The following CRADD variants were observed in gnomAD, a reference collection of about 807,000 sequenced individuals.
CRADD encodes the protein death domain-containing protein CRADD.
In CRADD, 9 loss-of-function variants were observed where a neutral mutation model predicts 15.5. The observed-to-expected ratio is 0.58, with a 90% CI of 0.35 to 1.01. The LOEUF is 1.01. CRADD is among the 50% of genes least tolerant of loss of function. CRADD has a pLI of 0.02. For missense variants in CRADD, 227 were observed against 250.3 expected (o/e 0.91, Z 0.63); for synonymous variants, 118 against 107.6 (o/e 1.10, Z -0.60).
In CRADD at chr12:93,784,000, C is replaced by T. The variant is rs192333021; in HGVS notation, c.299-65970C>T. Among the ~76,000 whole-genome samples, 348 of 152,270 alleles carry T rather than the reference C, an allele frequency of 2.3e-3. 1 individual carries two copies. Among genetic ancestry groups the T allele is most frequent in the African/African-American group, 7.9e-3 (328 of 41,552 alleles). Reference sequence around the variant, plus strand: ...AGGGAAGAGAGTGAGTAGCAAGCCACCTCGCCAAACTCTTGCTGCAGGGTG... The same window carrying T: ...AGGGAAGAGAGTGAGTAGCAAGCCATCTCGCCAAACTCTTGCTGCAGGGTG... On this transcript the variant is annotated intron_variant, in intron 2 of 2. Transcript: ENST00000332896.
chr12:93,780,800 G>C (rs1957199559), intron 2 of CRADD, among the ~76,000 whole-genome samples: 1 of 151,544 alleles, frequency 6.6e-6, no homozygotes, highest in South Asian at 2.1e-4. Flanking sequence ...GAGTGCAGTG[G>C]TGTGATCTTG....
At chr12:93,742,825 G>C (rs1956696214) in intron 2 of CRADD, among the ~76,000 whole-genome samples, 3 of 152,038 alleles carry the variant, frequency 2.0e-5, no homozygotes, top group African/African-American at 7.2e-5. Flanking sequence ...TTTTGAAGGG[G>C]CGAGTCAGGT....
chr12:93,812,440 C>T (rs999380773), intron 2 of CRADD, among the ~76,000 whole-genome samples: 3 of 151,282 alleles, frequency 2.0e-5, no homozygotes, highest in Non-Finnish European at 2.9e-5. Context: ...TTTGGGAGGC[C>T]GAGGTGGGTG....
At chr12:93,797,985 TTTA>T (rs914087490) in intron 2 of CRADD, among the ~76,000 whole-genome samples, 6 of 152,286 alleles carry the variant, frequency 3.9e-5, no homozygotes, top group East Asian at 3.9e-4. Flanking sequence ...CTTTGGGTGA[TTTA>T]TTAAGAGAAC....
intron 2 of CRADD, among the ~76,000 whole-genome samples, chr12:93,681,759 G>A (rs1955308948): frequency 6.6e-6 from 1 of 152,096 alleles, no homozygotes; most frequent in African/African-American, 2.4e-5. Flanking sequence ...TGAATTGGGG[G>A]TTTATCATTC....
At chr12:93,795,713 G>C (rs1485808205) in intron 2 of CRADD, among the ~76,000 whole-genome samples, 1 of 151,870 alleles carries the variant, frequency 6.6e-6, no homozygotes, top group African/African-American at 2.4e-5. Flanking sequence ...TTCTTTTCCT[G>C]TGGAAAACAA....
chr12:93,747,465 T>C (rs991385779), intron 2 of CRADD, among the ~76,000 whole-genome samples: 15 of 151,820 alleles, frequency 9.9e-5, no homozygotes, highest in East Asian at 9.7e-4. Flanking sequence ...TTTTTCTTCT[T>C]CTTTTTTTTT....
At chr12:93,862,452 G>A (rs1958326291) in intron 2 of CRADD, among the ~76,000 whole-genome samples, 1 of 152,178 alleles carries the variant, frequency 6.6e-6, no homozygotes, top group African/African-American at 2.4e-5. Flanking sequence ...TTGAGCTGGG[G>A]CTTGACGGGA....
At chr12:93,850,892 G>A (rs1370411817), downstream of CRADD, 2 of 275,142 alleles carry the variant, frequency 7.3e-6, no homozygotes, top group African/African-American at 4.6e-5. This position sits in a 1 kb window ranked among gnomAD's most constrained non-coding sequence, Gnocchi z 4.0. Context: ...CCCAAGTCAG[G>A]ATAAATAGCT....
At chr12:93,720,898 T>C (rs185751964) in intron 2 of CRADD, among the ~76,000 whole-genome samples, 2 of 152,352 alleles carry the variant, frequency 1.3e-5, no homozygotes, top group East Asian at 3.9e-4. Flanking sequence ...GTTTAGACCA[T>C]TGGCATTTGA....
intron 2 of CRADD, among the ~76,000 whole-genome samples, chr12:93,778,603 G>A (rs183516567): frequency 7.9e-5 from 12 of 152,138 alleles, no homozygotes; most frequent in African/African-American, 2.6e-4. Context: ...CATTCAGTAC[G>A]TGAAGAATAA....
At chr12:93,830,019 C>T (rs1957874841) in intron 2 of CRADD, among the ~76,000 whole-genome samples, 1 of 152,110 alleles carries the variant, frequency 6.6e-6, no homozygotes, top group Non-Finnish European at 1.5e-5. Context: ...TTATGGAGCA[C>T]TCCTGATGTG....
At chr12:93,783,714 G>A (rs1281420915) in intron 2 of CRADD, among the ~76,000 whole-genome samples, 1 of 152,164 alleles carries the variant, frequency 6.6e-6, no homozygotes, top group East Asian at 1.9e-4. Context: ...TTTGTTAGAA[G>A]TCGAAGCCTG....
rs746685035 is a variant in CRADD at position 93,850,168 on chromosome 12, G to A, written c.497G>A (p.Arg166His). 5.1e-5 allele frequency: 83 copies of A among 1,613,628 alleles called. No individual in the cohort carries two copies. The highest frequency in any genetic ancestry group is 8.3e-5 in the Admixed American group (5 of 59,970). ...TCGCAGGTGGTGGAGGCCTTCATCC[G>A]TTGGCGGCAGCGCTTCGGGAAGCAG... is the stretch of plus-strand genomic sequence containing the variant. ...VQSQVVEAFI[R>H]WRQRFGKQAT... Residue 166 changes from arginine (R) to histidine (H), a missense_variant, in exon 3 of 3, where the codon CGT becomes CAT. Coordinates refer to ENST00000332896, the MANE Select transcript of CRADD (RefSeq NM_003805.5). The surrounding 1 kb of genome is among the most constrained non-coding windows in gnomAD (Gnocchi z 4.0).
chr12:93,759,557 A>G (rs1956927121), intron 2 of CRADD, among the ~76,000 whole-genome samples: 2 of 152,126 alleles, frequency 1.3e-5, no homozygotes, highest in Non-Finnish European at 1.5e-5. Context: ...TCTCTTCTCC[A>G]CTTTGTTGCA....
At chr12:93,804,144 A>G (rs1466063588) in intron 2 of CRADD, among the ~76,000 whole-genome samples, 2 of 152,076 alleles carry the variant, frequency 1.3e-5, no homozygotes, top group African/African-American at 4.8e-5. Flanking sequence ...CATCCCATAC[A>G]AAACACTTAA....
intron 2 of CRADD, among the ~76,000 whole-genome samples, chr12:93,697,674 T>C (rs1955743459): frequency 6.6e-6 from 1 of 152,204 alleles, no homozygotes; most frequent in Admixed American, 6.5e-5. Flanking sequence ...GAGTTTTTGC[T>C]GTAGGGGAGG....
At chr12:93,864,012 G>A (rs998481592) in intron 2 of CRADD, among the ~76,000 whole-genome samples, 1 of 152,012 alleles carries the variant, frequency 6.6e-6, no homozygotes, top group Non-Finnish European at 1.5e-5. Flanking sequence ...CACACATGAA[G>A]TCGGGAAACA....
At chr12:93,841,392 T>A (rs1252467142) in intron 2 of CRADD, among the ~76,000 whole-genome samples, 1 of 152,198 alleles carries the variant, frequency 6.6e-6, no homozygotes, top group Non-Finnish European at 1.5e-5. Flanking sequence ...AACTTACATA[T>A]GATAGGAAAT....
Sources: gnomAD v4.1 joint callset for allele counts (sites outside exome capture counted in the v4.1 genomes callset) on GRCh38, gnomAD v4.1.1 for gene constraint, Gnocchi (gnomAD v3.1) non-coding constraint, MANE v1.5 for transcripts, NCBI Gene and HGNC (gene_info 2026-07-23, HGNC 2026-07-21) for gene names.